ST7: variants seen among roughly 807,000 people sequenced by gnomAD.
The protein encoded by ST7 is suppressor of tumorigenicity 7 protein.
A neutral mutation model predicts 78.7 loss-of-function variants in ST7; 28 were observed. That is an observed-to-expected ratio of 0.36 (90% CI 0.26 to 0.49). ST7 has a LOEUF of 0.49. Among genes scored for constraint, ST7 ranks in the 20% least tolerant of loss-of-function variants. The probability of loss-of-function intolerance (pLI) is 0.99; values close to 1 mark genes in which losing one functional copy is unlikely to be tolerated. For missense variants in ST7, 418 were observed against 696.0 expected (o/e 0.60, Z 4.49); for synonymous variants, 247 against 249.6 (o/e 0.99, Z 0.10).
rs1403220431 is a variant in ST7, at chr7:117,202,204, C to T, written c.1255-7583C>T. Among the ~76,000 whole-genome samples, 8 of 130,902 alleles carry T rather than the reference C, an allele frequency of 6.1e-5. 2 individuals are homozygous for T. The highest frequency in any genetic ancestry group is 1.2e-4 in the Non-Finnish European group (7 of 60,696). 85.9% of individuals were successfully genotyped at this position (130,902 alleles called of 152,430 possible). Reference sequence around the variant, plus strand: ...GTCTCGATCTCCTGACCTCGTGATCCGCCCGCCTCGGCCTCCCAAAGTGCT... The same window carrying T: ...GTCTCGATCTCCTGACCTCGTGATCTGCCCGCCTCGGCCTCCCAAAGTGCT... On this transcript the variant is annotated intron_variant, in intron 12 of 15. Coordinates refer to ENST00000323984, the MANE Select transcript of ST7 (RefSeq NM_001369598.1).
intron 6 of ST7, 58 bp downstream of exon 6, chr7:117,132,018 T>C: frequency 6.8e-7 from 1 of 1,469,338 alleles, no homozygotes; most frequent in East Asian, 2.3e-5. Context: ...CTGAATATAT[T>C]CAGTTGCCAT....
chr7:117,144,131 TAAG>T (rs1422000751), intron 9 of ST7: 1 of 152,128 alleles, frequency 6.6e-6, no homozygotes, highest in Non-Finnish European at 1.5e-5. Context: ...AACAAAAAAA[TAAG>T]AAGAGTGACA....
chr7:117,109,788 C>T (rs1370046350), intron 2 of ST7, among the ~76,000 whole-genome samples: 1 of 152,096 alleles, frequency 6.6e-6, no homozygotes, highest in East Asian at 1.9e-4. Flanking sequence ...TACAAAAATT[C>T]TCAGTAAAAT....
At chr7:117,113,121 T>G (rs1254240130) in intron 2 of ST7, among the ~76,000 whole-genome samples, 3 of 152,234 alleles carry the variant, frequency 2.0e-5, no homozygotes, top group African/African-American at 4.8e-5. Flanking sequence ...ATTGAGAGAC[T>G]TGAAAGTCAT....
chr7:117,132,075 G>T, intron 6 of ST7, 115 bp downstream of exon 6: 3 of 1,087,348 alleles, frequency 2.8e-6, no homozygotes, highest in Admixed American at 2.4e-5. Context: ...AGGATTATTT[G>T]GGGAGTTATT....
chr7:117,077,373 G>T (rs1799427490), intron 1 of ST7, among the ~76,000 whole-genome samples: 1 of 152,126 alleles, frequency 6.6e-6, no homozygotes, highest in South Asian at 2.1e-4. Context: ...TTTCTGTCTA[G>T]AATTTATCTG....
intron 9 of ST7, among the ~76,000 whole-genome samples, chr7:117,164,862 G>C (rs1807419998): frequency 6.8e-6 from 1 of 147,884 alleles, no homozygotes; most frequent in South Asian, 2.2e-4. Flanking sequence ...TGGGGCGGGG[G>C]TGGGAGGGAG....
intron 10 of ST7, among the ~76,000 whole-genome samples, chr7:117,187,355 A>T (rs1809359438): frequency 6.6e-6 from 1 of 151,958 alleles, no homozygotes; most frequent in Non-Finnish European, 1.5e-5. Flanking sequence ...TATTTTGGTT[A>T]TTTTTTTTAA....
At position 117,219,656 on chromosome 7, in the gene ST7, T is replaced by C. The variant is rs1792940626; in HGVS notation, c.1498+480T>C. ...TGTGGAGTTGTGGGGCAGGGCAGTG[T>C]GCTGTGTGGTGAGGCTGTGCTCTGG... On this transcript the variant is annotated intron_variant, in intron 14 of 15. Coordinates refer to ENST00000323984, the MANE Select transcript of ST7 (RefSeq NM_001369598.1). This position sits in a 1 kb window ranked among gnomAD's most constrained non-coding sequence, Gnocchi z 5.1. Among the ~76,000 whole-genome samples, 1 of 152,216 alleles carries C rather than the reference T, an allele frequency of 6.6e-6. No individual in the cohort carries two copies. The highest frequency in any genetic ancestry group is 6.5e-5 in the Admixed American group (1 of 15,280).
intron 1 of ST7, among the ~76,000 whole-genome samples, chr7:117,096,067 C>CAAAAAAAAAAAAAAAAAAAAAAAAA: frequency 2.8e-5 from 1 of 35,674 alleles, no homozygotes; most frequent in Non-Finnish European, 4.9e-5. Flanking sequence ...GATTCTGCCT[C>CAAAAAAAAAAAAAAAAAAAAAAAAA]AAAAAAAAAA....
chr7:117,011,722 A>C (rs1265512145), intron 1 of ST7, among the ~76,000 whole-genome samples: 1 of 152,222 alleles, frequency 6.6e-6, no homozygotes, highest in African/African-American at 2.4e-5. Context: ...TGGTTAGGAT[A>C]GTGGTCCCTA....
chr7:117,171,039 G>A, intron 10 of ST7, 63 bp downstream of exon 10: 1 of 1,041,054 alleles, frequency 9.6e-7, no homozygotes, highest in Non-Finnish European at 1.4e-6. Context: ...TCCCTGATTA[G>A]ATTAGAAGGG....
chr7:117,138,538 T>C lies in ST7; in HGVS notation c.963+6T>C. ...CAGTGAAAATGATGAGAGATGTGAG[T>C]TTGAGTTTGTGTTTGGGATCAGTGG... is the stretch of plus-strand genomic sequence containing the variant. On this transcript the variant is annotated splice_donor_region_variant and intron_variant, in intron 9 of 15. Transcript: ENST00000323984. The C allele has an allele frequency of 6.3e-7, 1 of 1,587,158 alleles. No homozygotes were observed. The highest frequency in any genetic ancestry group is 8.6e-7 in the Non-Finnish European group (1 of 1,163,934).
intron 10 of ST7, among the ~76,000 whole-genome samples, chr7:117,183,518 G>A (rs1176898821): frequency 3.9e-5 from 6 of 152,080 alleles, no homozygotes; most frequent in African/African-American, 1.4e-4. Context: ...TTTCACTTAT[G>A]TATATACCCA....
At chr7:116,979,222 G>A (rs960177600) in intron 1 of ST7, among the ~76,000 whole-genome samples, 3 of 152,336 alleles carry the variant, frequency 2.0e-5, no homozygotes, top group Admixed American at 1.3e-4. Flanking sequence ...CCTAGGGCAA[G>A]CAGCAGGGAA....
chr7:117,163,441 G>C lies in ST7; in HGVS notation c.964-7421G>C, dbSNP rs1410406354. 2.0e-5 allele frequency among the ~76,000 whole-genome samples: 3 copies of C among 152,060 alleles called. No individual in the cohort carries two copies. The East Asian group carries it at 5.8e-4, about 29-fold the overall frequency. On this transcript the variant is annotated intron_variant, in intron 9 of 15. Transcript: ENST00000323984. The stretch of plus-strand genomic sequence containing the variant: ...TTTTTCTGCATTCTCGCCAGTGTTT[G>C]TTGTTATTTATTTATTTATTTTTGG...
At position 117,074,408 on chromosome 7, in the gene ST7, A is replaced by G. The variant is rs567861488; in HGVS notation, c.152-25354A>G. Among the ~76,000 whole-genome samples, 48 of 152,190 alleles carry G rather than the reference A, an allele frequency of 3.2e-4. No homozygotes were observed. The South Asian group carries it at 9.8e-3, about 31-fold the overall frequency. ...CCTGTCTCAAAAACGAAAAACAAAAACAAGCTACTATCTTGTTTAGATAGC... is the reference window on the plus strand; with the variant it reads ...CCTGTCTCAAAAACGAAAAACAAAAGCAAGCTACTATCTTGTTTAGATAGC... On this transcript the variant is annotated intron_variant, in intron 1 of 15. Coordinates refer to ENST00000323984, the MANE Select transcript of ST7 (RefSeq NM_001369598.1).
At chr7:117,079,467 G>A (rs961668845) in intron 1 of ST7, among the ~76,000 whole-genome samples, 1 of 152,094 alleles carries the variant, frequency 6.6e-6, no homozygotes, top group Admixed American at 6.6e-5. Context: ...TAGAATTCAG[G>A]TTACATATAC....
At chr7:117,194,189 C>G (rs1418525836) in intron 12 of ST7, among the ~76,000 whole-genome samples, 1 of 152,200 alleles carries the variant, frequency 6.6e-6, no homozygotes, top group African/African-American at 2.4e-5. Context: ...ATAGGCTCAT[C>G]ATTACCAACA....
Sources: gnomAD v4.1 joint callset for allele counts (sites outside exome capture counted in the v4.1 genomes callset) on GRCh38, gnomAD v4.1.1 for gene constraint, Gnocchi (gnomAD v3.1) non-coding constraint, MANE v1.5 for transcripts, NCBI Gene and HGNC (gene_info 2026-07-23, HGNC 2026-07-21) for gene names.